The following PRKG1 variants were observed in gnomAD, a reference collection of about 807,000 sequenced individuals.
PRKG1 encodes protein kinase cGMP-dependent 1.
A neutral mutation model predicts 88.1 loss-of-function variants in PRKG1; 35 were observed. That is an observed-to-expected ratio of 0.40 (90% CI 0.30 to 0.53). The LOEUF is 0.53. Ranked by LOEUF, PRKG1 falls within the 20% of genes least tolerant of loss-of-function variation. The probability of loss-of-function intolerance (pLI) is 0.59; values close to 1 mark genes in which losing one functional copy is unlikely to be tolerated. For missense variants in PRKG1, 540 were observed against 839.8 expected (o/e 0.64, Z 4.41); for synonymous variants, 303 against 292.5 (o/e 1.04, Z -0.37).
chr10:51,565,922 T>A (rs1837591559), intron 3 of PRKG1, among the ~76,000 whole-genome samples: 1 of 152,146 alleles, frequency 6.6e-6, no homozygotes, highest in Admixed American at 6.6e-5. Flanking sequence ...TTTGGTGTTC[T>A]TTCAAACTGG....
At chr10:51,299,919 G>A (rs1840835332) in intron 2 of PRKG1, among the ~76,000 whole-genome samples, 1 of 152,062 alleles carries the variant, frequency 6.6e-6, no homozygotes, top group Non-Finnish European at 1.5e-5. Flanking sequence ...GCATTTCCTG[G>A]TACTATTCAT....
At chr10:51,160,561 G>A (rs953031340) in intron 2 of PRKG1, among the ~76,000 whole-genome samples, 1 of 152,120 alleles carries the variant, frequency 6.6e-6, no homozygotes, top group African/African-American at 2.4e-5. Flanking sequence ...TTATGCCTAA[G>A]TTTTCTGATT....
intron 5 of PRKG1, among the ~76,000 whole-genome samples, chr10:51,928,964 G>A (rs1842633192): frequency 6.6e-6 from 1 of 152,024 alleles, no homozygotes; most frequent in South Asian, 2.1e-4. Flanking sequence ...ACTTTTATTT[G>A]ATATTCAAAG....
intron 5 of PRKG1, among the ~76,000 whole-genome samples, chr10:51,924,708 G>A (rs923683668): frequency 2.4e-5 from 3 of 127,012 alleles, no homozygotes; most frequent in Admixed American, 1.5e-4. Flanking sequence ...CTCAGTTCTC[G>A]AATATTCTTT....
upstream of PRKG1, among the ~76,000 whole-genome samples, chr10:51,072,794 A>T (rs1242485190): frequency 1.5e-4 from 23 of 152,280 alleles, no homozygotes; most frequent in Admixed American, 4.6e-4. Context: ...GACACTTTAA[A>T]TGAACAAGCT....
intron 2 of PRKG1, among the ~76,000 whole-genome samples, chr10:51,273,515 C>A (rs1055056518): frequency 1.3e-5 from 2 of 152,048 alleles, no homozygotes; most frequent in South Asian, 2.1e-4. Flanking sequence ...CAGAGAGAGA[C>A]CCTGTCTCTA....
intron 3 of PRKG1, among the ~76,000 whole-genome samples, chr10:51,575,557 A>T (rs1837865486): frequency 6.6e-6 from 1 of 151,936 alleles, no homozygotes; most frequent in African/African-American, 2.4e-5. Context: ...TTTTATAGAG[A>T]TGTATATAAC....
At chr10:51,715,424 T>G (rs989886799) in intron 3 of PRKG1, among the ~76,000 whole-genome samples, 3 of 152,164 alleles carry the variant, frequency 2.0e-5, no homozygotes, top group African/African-American at 7.2e-5. Flanking sequence ...CCCTGGAATC[T>G]GCATTTGGAA....
At chr10:51,016,692 T>TTTTTTTTTTTTTTTTTTTTTTTTTTC (rs1554830040) in intron 1 of PRKG1, among the ~76,000 whole-genome samples, 2 of 133,242 alleles carry the variant, frequency 1.5e-5, no homozygotes, top group African/African-American at 5.9e-5. Context: ...TTTTTTTTTT[T>TTTTTTTTTTTTTTTTTTTTTTTTTTC]GGAATCTTGC....
chr10:51,135,421 A>G (rs1248104227), intron 1 of PRKG1, among the ~76,000 whole-genome samples: 1 of 152,196 alleles, frequency 6.6e-6, no homozygotes, highest in East Asian at 1.9e-4. Flanking sequence ...GATGGGTATG[A>G]AAGTCAATGT....
chr10:51,941,860 A>G (rs1842916658), intron 5 of PRKG1, among the ~76,000 whole-genome samples: 1 of 151,778 alleles, frequency 6.6e-6, no homozygotes, highest in African/African-American at 2.4e-5. Flanking sequence ...TCATTGTTGG[A>G]CATTTGGGTT....
intron 8 of PRKG1, among the ~76,000 whole-genome samples, chr10:52,141,124 A>G (rs1386687022): frequency 6.6e-6 from 1 of 152,088 alleles, no homozygotes; most frequent in Non-Finnish European, 1.5e-5. Context: ...GTCTTTTTTT[A>G]CAGAGCTGTT....
intron 4 of PRKG1, among the ~76,000 whole-genome samples, chr10:51,906,808 C>T (rs1210624107): frequency 2.0e-5 from 3 of 152,134 alleles, no homozygotes; most frequent in Admixed American, 2.0e-4. Flanking sequence ...GACAGCTCTA[C>T]AGGAGAGAAA....
At position 52,286,732 on chromosome 10, in the gene PRKG1, A is replaced by AT. The variant is rs201313965; in HGVS notation, c.1710-1984dup. The stretch of plus-strand genomic sequence containing the variant: ...AAGAGAAATCTCTAAATTCAGTTTG[A>AT]TTTTTTTTTTAATTTTAGAGAAATA... On this transcript the variant is annotated intron_variant, in intron 14 of 17. Coordinates refer to ENST00000373980, the MANE Select transcript of PRKG1 (RefSeq NM_006258.4). 2.5e-3 allele frequency among the ~76,000 whole-genome samples: 382 copies of AT among 150,032 alleles called. 1 individual carries two copies. Among genetic ancestry groups the AT allele is most frequent in the African/African-American group, 4.4e-3 (181 of 41,072 alleles).
intron 2 of PRKG1, among the ~76,000 whole-genome samples, chr10:51,218,813 A>G (rs1476443422): frequency 6.6e-6 from 1 of 151,940 alleles, no homozygotes; most frequent in Non-Finnish European, 1.5e-5. Context: ...CACATAATTA[A>G]TATCAATAAA....
chr10:51,904,492 T>C (rs1374150670), intron 4 of PRKG1, among the ~76,000 whole-genome samples: 2 of 152,130 alleles, frequency 1.3e-5, no homozygotes, highest in African/African-American at 4.8e-5. Context: ...ATGCTACTAG[T>C]AGACCAGTCA....
chr10:51,790,742 T>C (rs1838848827), intron 3 of PRKG1, among the ~76,000 whole-genome samples: 1 of 152,164 alleles, frequency 6.6e-6, no homozygotes, highest in South Asian at 2.1e-4. Context: ...AGTGTTTTAG[T>C]ATAATGCCTC....
intron 3 of PRKG1, among the ~76,000 whole-genome samples, chr10:51,593,832 C>G (rs894345250): frequency 6.6e-6 from 1 of 151,952 alleles, no homozygotes; most frequent in Non-Finnish European, 1.5e-5. Flanking sequence ...TCAAGTGATT[C>G]TCCTGCCTCA....
At chr10:51,032,510 G>A (rs1843297127) in intron 1 of PRKG1, among the ~76,000 whole-genome samples, 1 of 152,114 alleles carries the variant, frequency 6.6e-6, no homozygotes, top group Non-Finnish European at 1.5e-5. Context: ...TGTAATCCCA[G>A]CACTTTGGGA....
Sources: allele counts gnomAD v4.1 joint callset (sites outside exome capture counted in the v4.1 genomes callset), GRCh38; gene constraint gnomAD v4.1.1; transcripts MANE v1.5; gene names NCBI Gene and HGNC (gene_info 2026-07-23, HGNC 2026-07-21).